Variants in ZNF235 observed in about 807,000 individuals in gnomAD.
ZNF235 encodes zfp-93.
Under a neutral mutation model 29.4 loss-of-function variants are expected in ZNF235, and 25 were observed. The ratio of observed to expected loss-of-function variants is 0.85; its 90% CI spans 0.62 to 1.19. The LOEUF is 1.19. Among genes scored for constraint, ZNF235 ranks in the 50% most tolerant of loss-of-function variants. The pLI, the probability that ZNF235 is intolerant of heterozygous loss-of-function variation, is 0.00. For missense variants in ZNF235, 788 were observed against 885.0 expected (o/e 0.89, Z 1.39); for synonymous variants, 300 against 295.3 (o/e 1.02, Z -0.16).
intron 4 of ZNF235, among the ~76,000 whole-genome samples, chr19:44,297,552 CT>C (rs1369214712): frequency 6.6e-6 from 1 of 152,154 alleles, no homozygotes; most frequent in African/African-American, 2.4e-5. Flanking sequence ...CAACCTCTGC[CT>C]CCTGGGTTCA....
intron 1 of ZNF235, among the ~76,000 whole-genome samples, chr19:44,303,684 G>C (rs1351611543): frequency 1.3e-5 from 2 of 152,144 alleles, no homozygotes; most frequent in Non-Finnish European, 2.9e-5. Context: ...AGCTCTCTGT[G>C]TACTCCTTCT....
chr19:44,287,485 A>G lies in ZNF235; in HGVS notation c.1950T>C (p.Thr650=), dbSNP rs1187822848. The G allele has an allele frequency of 1.2e-6, 2 of 1,613,960 alleles. No individual in the cohort carries two copies. Among genetic ancestry groups the G allele is most frequent in the Admixed American group, 1.7e-5 (1 of 60,006 alleles). The change falls in exon 5 of 5, where the codon ACT becomes ACC. Residue 650 remains threonine (T), a synonymous_variant. Coordinates refer to ENST00000291182, the MANE Select transcript of ZNF235 (RefSeq NM_004234.4). ...CCTCACATTTAAATGGTTTCTCTCC[A>G]GTGTGAATTATCTGATGGACTTGAA... is the stretch of plus-strand genomic sequence containing the variant. ...SNLQVHQIIH[T]GEKPFKCEEC... is the part of the protein sequence containing the mutation.
At chr19:44,300,707 G>A (rs139796868) in intron 2 of ZNF235, among the ~76,000 whole-genome samples, 6,349 of 152,032 alleles carry the variant, frequency 0.042, 235 homozygotes, top group Non-Finnish European at 0.06. Context: ...GGGCATGATG[G>A]CACACATCTG....
In ZNF235 at chr19:44,286,965, G is replaced by A. The variant is rs1032287910; in HGVS notation, c.*253C>T. On this transcript the variant is annotated 3_prime_UTR_variant, in exon 5 of 5. Coordinates refer to ENST00000291182, the MANE Select transcript of ZNF235 (RefSeq NM_004234.4). ...CTGCTGTGTTACATCTTGAGAACCG[G>A]GACACCTGGTACTCTGATATAAACA... The A allele has an allele frequency of 2.7e-6, 1 of 372,084 alleles. No individual in the cohort carries two copies. 23.0% of individuals were successfully genotyped at this position (372,084 alleles called of 1,614,324 possible). A position where few individuals can be genotyped will look rare whatever the true frequency, so the allele number is the denominator to read the frequency against.
rs375302067 is a variant in ZNF235, at chr19:44,295,972, AATTTGC to A, written c.238+2830_238+2835del. On this transcript the variant is annotated intron_variant, in intron 4 of 4. Transcript: ENST00000291182. ...TAAGATGATATCTCACCATTGTTTT[AATTTGC>A]ATTTCTAGAAATCACTGGTGATTTC... 1.9e-3 allele frequency among the ~76,000 whole-genome samples: 297 copies of A among 152,328 alleles called. 1 individual carries two copies. The highest frequency in any genetic ancestry group is 6.8e-3 in the African/African-American group (283 of 41,590).
chr19:44,295,809 T>C (rs191704643), intron 4 of ZNF235, among the ~76,000 whole-genome samples: 1 of 152,318 alleles, frequency 6.6e-6, no homozygotes, highest in African/African-American at 2.4e-5. Context: ...AACTGATCTT[T>C]GATAAAGTCG....
At chr19:44,302,777 T>A (rs1210937246) in intron 2 of ZNF235, among the ~76,000 whole-genome samples, 1 of 146,002 alleles carries the variant, frequency 6.8e-6, no homozygotes, top group African/African-American at 2.5e-5. Context: ...CATATATATA[T>A]ATATATAAAA....
At position 44,287,173 on chromosome 19, in the gene ZNF235, C is replaced by A; in HGVS notation, c.*45G>T. 2.0e-6 allele frequency: 3 copies of A among 1,517,228 alleles called. No homozygotes were observed. The highest frequency in any genetic ancestry group is 2.6e-6 in the Non-Finnish European group (3 of 1,132,920). 94.0% of individuals were successfully genotyped at this position (1,517,228 alleles called of 1,614,324 possible). Reference sequence around the variant, plus strand: ...ATCAGCATGGACTTCCCAACGGAGACAAAGATGTGAGCTCTAACTGAAGGC... The same window carrying A: ...ATCAGCATGGACTTCCCAACGGAGAAAAAGATGTGAGCTCTAACTGAAGGC... On this transcript the variant is annotated 3_prime_UTR_variant, in exon 5 of 5. Coordinates refer to ENST00000291182, the MANE Select transcript of ZNF235 (RefSeq NM_004234.4).
At position 44,287,856 on chromosome 19, in the gene ZNF235, T is replaced by G. The variant is rs1975513696; in HGVS notation, c.1579A>C (p.Ser527Arg). Residue 527 changes from serine (S) to arginine (R), a missense_variant, in exon 5 of 5, where the codon AGT (serine) becomes CGT (arginine). By Grantham distance (110) the Ser-to-Arg change is moderately radical. Coordinates refer to ENST00000291182, the MANE Select transcript of ZNF235 (RefSeq NM_004234.4). The stretch of plus-strand genomic sequence containing the variant: ...CTCTGATGTGCTTGAAAGTATGAAC[T>G]CTGACTGAAGCCTTTCCCACACACG... ...CNVCGKGFSQ[S>R]SYFQAHQRVH... 6.2e-7 allele frequency: 1 copy of G among 1,613,808 alleles called. No homozygotes were observed.
At position 44,287,569 on chromosome 19, in the gene ZNF235, G is replaced by T; in HGVS notation, c.1866C>A (p.Thr622=). 1 of 1,612,932 alleles carries T rather than the reference G, an allele frequency of 6.2e-7. No individual in the cohort carries two copies. Among genetic ancestry groups the T allele is most frequent in the Non-Finnish European group, 8.5e-7 (1 of 1,179,676 alleles). The part of the protein sequence containing the change: ...SHLQAHQRVH[T]GEKPYKCDTC... Reference sequence around the variant, plus strand: ...TGTCACATTTATATGGTTTCTCTCCGGTGTGGACTCTCTGATGGGCTTGAA... The same window carrying T: ...TGTCACATTTATATGGTTTCTCTCCTGTGTGGACTCTCTGATGGGCTTGAA... Residue 622 remains threonine (T), a synonymous_variant, in exon 5 of 5, where the codon ACC becomes ACA. Coordinates refer to ENST00000291182, the MANE Select transcript of ZNF235 (RefSeq NM_004234.4).
rs1202967067 is a variant in ZNF235, at chr19:44,288,986, T to C, written c.449A>G (p.Gln150Arg). Residue 150 changes from glutamine (Q) to arginine (R), a missense_variant, in exon 5 of 5, where the codon CAA (glutamine) becomes CGA (arginine). Gln to Arg is a conservative substitution (Grantham distance 43, BLOSUM62 1). Coordinates refer to ENST00000291182, the MANE Select transcript of ZNF235 (RefSeq NM_004234.4). ...TAGACAGTTGTCATCCACAGAAGCT[T>C]GAATAGATTCTCCTGCTCCCACTTG... is the stretch of plus-strand genomic sequence containing the variant. ...PCQVGAGESIQASVDDNCLVN... is the reference protein window; with the variant it reads ...PCQVGAGESIRASVDDNCLVN... 4 of 1,614,060 alleles carry C rather than the reference T, an allele frequency of 2.5e-6. No homozygotes were observed. The highest frequency in any genetic ancestry group is 2.5e-6 in the Non-Finnish European group (3 of 1,179,918).
intron 4 of ZNF235, chr19:44,297,003 A>G (rs1404787738): frequency 6.6e-6 from 1 of 152,202 alleles, no homozygotes; most frequent in African/African-American, 2.4e-5. Context: ...ATAGCTATAA[A>G]TGGTTACAAT....
At position 44,288,560 on chromosome 19, in the gene ZNF235, G is replaced by A. The variant is rs369326219; in HGVS notation, c.875C>T (p.Ala292Val). 72 of 1,613,962 alleles carry A rather than the reference G, an allele frequency of 4.5e-5. No homozygotes were observed. The highest frequency in any genetic ancestry group is 2.9e-4 in the African/African-American group (22 of 74,924). Residue 292 changes from alanine (A) to valine (V), a missense_variant, in exon 5 of 5, where the codon GCG (alanine) becomes GTG (valine). Ala to Val is a moderately conservative substitution (Grantham distance 64). Coordinates refer to ENST00000291182, the MANE Select transcript of ZNF235 (RefSeq NM_004234.4). ...KQVHLGKKSP[A>V]CSTHEKDTSY... Reference sequence around the variant, plus strand: ...GGTGTCCTTCTCATGTGTACTACACGCTGGAGACTTCTTTCCCAAGTGTAC... The same window carrying A: ...GGTGTCCTTCTCATGTGTACTACACACTGGAGACTTCTTTCCCAAGTGTAC...
At chr19:44,292,653 A>T (rs1199263275) in intron 4 of ZNF235, among the ~76,000 whole-genome samples, 1 of 152,000 alleles carries the variant, frequency 6.6e-6, no homozygotes, top group Non-Finnish European at 1.5e-5. Context: ...AAGAAAAAGT[A>T]AAAAGTTTGG....
At chr19:44,299,301 T>C (rs1045513752) in intron 3 of ZNF235, among the ~76,000 whole-genome samples, 2 of 152,180 alleles carry the variant, frequency 1.3e-5, no homozygotes, top group African/African-American at 4.8e-5. Context: ...TTAAAAAAGA[T>C]ATACGAAATA....
At chr19:44,301,924 G>C (rs1304678077) in intron 2 of ZNF235, among the ~76,000 whole-genome samples, 6 of 152,108 alleles carry the variant, frequency 3.9e-5, no homozygotes, top group Admixed American at 1.3e-4. Context: ...GCTGTTCCAT[G>C]GTGCAAATTC....
chr19:44,292,012 T>G lies in ZNF235; in HGVS notation c.239-2816A>C, dbSNP rs561338998. ...TTATAAAATTCTTAACAAAATGTGA[T>G]CAAATCAAATCTAACAATGTATAAA... is the stretch of plus-strand genomic sequence containing the variant. On this transcript the variant is annotated intron_variant, in intron 4 of 4. Coordinates refer to ENST00000291182, the MANE Select transcript of ZNF235 (RefSeq NM_004234.4). Among the ~76,000 whole-genome samples the G allele has an allele frequency of 4.6e-5, 7 of 152,172 alleles. No individual in the cohort carries two copies. In the South Asian group the frequency reaches 1.5e-3, roughly 32 times the overall value.
At chr19:44,299,232 A>C (rs990117575) in intron 3 of ZNF235, among the ~76,000 whole-genome samples, 1 of 152,224 alleles carries the variant, frequency 6.6e-6, no homozygotes, top group Non-Finnish European at 1.5e-5. Context: ...ATTTTATTAC[A>C]AAAATGCTTA....
chr19:44,304,971 C>T lies in ZNF235; in HGVS notation c.-49G>A, dbSNP rs539972966. Reference sequence around the variant, plus strand: ...TCTTGGAGACCCGGAGCTGACTCACCTCCCTGGGAGATATCTCAGATCCGA... The same window carrying T: ...TCTTGGAGACCCGGAGCTGACTCACTTCCCTGGGAGATATCTCAGATCCGA... On this transcript the variant is annotated splice_region_variant and 5_prime_UTR_variant, in exon 1 of 5. Transcript: ENST00000291182. 1.0e-6 allele frequency: 1 copy of T among 983,166 alleles called. No individual in the cohort carries two copies. Among genetic ancestry groups the T allele is most frequent in the Admixed American group, 6.1e-5 (1 of 16,288 alleles). 60.9% of individuals were successfully genotyped at this position (983,166 alleles called of 1,614,324 possible). A position where few individuals can be genotyped will look rare whatever the true frequency, so the allele number is the denominator to read the frequency against.
Sources: gnomAD v4.1 joint callset for allele counts (sites outside exome capture counted in the v4.1 genomes callset) on GRCh38, gnomAD v4.1.1 for gene constraint, MANE v1.5 for transcripts, NCBI Gene and HGNC (gene_info 2026-07-23, HGNC 2026-07-21) for gene names.